Variants in CADPS2 observed in about 807,000 individuals in gnomAD.
The protein encoded by CADPS2 is calcium-dependent secretion activator 2.
CADPS2 carries 93 observed loss-of-function variants against 172.5 expected under a neutral mutation model. That is an observed-to-expected ratio of 0.54 (90% CI 0.46 to 0.64). The LOEUF (loss-of-function observed/expected upper bound fraction) is 0.64. Among genes scored for constraint, CADPS2 ranks in the 30% least tolerant of loss-of-function variants. The pLI is 0.00. For missense variants in CADPS2, 1,420 were observed against 1,565.9 expected (o/e 0.91, Z 1.57); for synonymous variants, 546 against 555.2 (o/e 0.98, Z 0.23).
At chr7:122,552,103 C>T (rs1328269102) in intron 8 of CADPS2, among the ~76,000 whole-genome samples, 1 of 152,088 alleles carries the variant, frequency 6.6e-6, no homozygotes, top group Non-Finnish European at 1.5e-5. Context: ...TGTCCCTGTC[C>T]ATAGGGAGCA....
intron 3 of CADPS2, among the ~76,000 whole-genome samples, chr7:122,640,204 G>A (rs886082767): frequency 6.6e-6 from 1 of 152,068 alleles, no homozygotes; most frequent in Non-Finnish European, 1.5e-5. Context: ...GCGAAACCTA[G>A]AACCACATAG....
intron 1 of CADPS2, among the ~76,000 whole-genome samples, chr7:122,816,461 A>G (rs969073644): frequency 2.0e-5 from 3 of 152,172 alleles, no homozygotes; most frequent in East Asian, 3.8e-4. Flanking sequence ...CGTTGATTCC[A>G]TATCTTGGCT....
chr7:122,791,462 G>A (rs1795275767), intron 1 of CADPS2, among the ~76,000 whole-genome samples: 1 of 151,796 alleles, frequency 6.6e-6, no homozygotes, highest in Non-Finnish European at 1.5e-5. Context: ...ACTCAGCAAA[G>A]GATAAGAAAG....
chr7:122,454,653 AACCTT>A (rs2053542952), intron 14 of CADPS2, among the ~76,000 whole-genome samples: 1 of 152,192 alleles, frequency 6.6e-6, no homozygotes, highest in Non-Finnish European at 1.5e-5. Context: ...GGAAGTCCTA[AACCTT>A]GCTCTTTCAT....
intron 2 of CADPS2, among the ~76,000 whole-genome samples, chr7:122,683,597 T>G (rs2083302127): frequency 6.6e-6 from 1 of 152,216 alleles, no homozygotes; most frequent in Non-Finnish European, 1.5e-5. Context: ...TTTTTAATAC[T>G]ACATGACATA....
chr7:122,613,678 T>G (rs1017021872), intron 6 of CADPS2, among the ~76,000 whole-genome samples: 29 of 150,236 alleles, frequency 1.9e-4, no homozygotes, highest in Non-Finnish European at 3.0e-5. Flanking sequence ...AGGGTACAGT[T>G]TTTTTTTTTT....
At chr7:122,619,315 A>AT (rs933707795) in intron 5 of CADPS2, among the ~76,000 whole-genome samples, 9 of 152,084 alleles carry the variant, frequency 5.9e-5, no homozygotes, top group Non-Finnish European at 1.0e-4. Context: ...TCTACAAATT[A>AT]TTTTTTTCAT....
chr7:122,673,944 C>T (rs2082135080), intron 2 of CADPS2, among the ~76,000 whole-genome samples: 1 of 151,806 alleles, frequency 6.6e-6, no homozygotes, highest in African/African-American at 2.4e-5. Context: ...GGAGCTAGGG[C>T]ATGGCGGGCT....
At chr7:122,857,919 G>A (rs1294168345) in intron 1 of CADPS2, among the ~76,000 whole-genome samples, 1 of 152,148 alleles carries the variant, frequency 6.6e-6, no homozygotes, top group Non-Finnish European at 1.5e-5. Flanking sequence ...CAAGAATGAA[G>A]CCAACGACCT....
intron 2 of CADPS2, chr7:122,702,873 C>T (rs2086394104): frequency 4.3e-6 from 3 of 690,246 alleles, no homozygotes; most frequent in African/African-American, 3.6e-5. Flanking sequence ...AAAGGTCTCC[C>T]TGGATCAAAG....
chr7:122,665,921 C>T (rs1285199427), intron 2 of CADPS2, among the ~76,000 whole-genome samples: 1 of 152,112 alleles, frequency 6.6e-6, no homozygotes, highest in East Asian at 1.9e-4. Context: ...ATGCATAGTG[C>T]TTTAAATATT....
chr7:122,484,226 A>G (rs1199137696), intron 11 of CADPS2, among the ~76,000 whole-genome samples: 1 of 152,194 alleles, frequency 6.6e-6, no homozygotes, highest in Non-Finnish European at 1.5e-5. Flanking sequence ...CTTTTGAATA[A>G]GAGAAATCAA....
At chr7:122,377,024 C>G (rs1238585688) in intron 25 of CADPS2, among the ~76,000 whole-genome samples, 1 of 152,054 alleles carries the variant, frequency 6.6e-6, no homozygotes, top group African/African-American at 2.4e-5. Context: ...TTATTTTATA[C>G]TTTTCAACCA....
chr7:122,698,175 T>G (rs781559003), intron 2 of CADPS2: 1 of 1,614,008 alleles, frequency 6.2e-7, no homozygotes. Flanking sequence ...TTGGATTTAT[T>G]TCTTCATCCC....
intron 20 of CADPS2, among the ~76,000 whole-genome samples, chr7:122,398,392 T>C (rs11970828): frequency 0.38 from 58,084 of 152,034 alleles, 11,757 homozygotes; most frequent in African/African-American, 0.53. Flanking sequence ...TCCAATTAGC[T>C]AGCTTTAGTG....
At chr7:122,541,362 ATT>A (rs34290734) in intron 8 of CADPS2, among the ~76,000 whole-genome samples, 1 of 132,642 alleles carries the variant, frequency 7.5e-6, no homozygotes, top group Non-Finnish European at 1.6e-5. Flanking sequence ...ACACCCAGCT[ATT>A]TTTTTTTTTT....
intron 1 of CADPS2, among the ~76,000 whole-genome samples, chr7:122,801,778 A>C (rs1040077663): frequency 1.3e-5 from 2 of 149,928 alleles, no homozygotes; most frequent in Non-Finnish European, 3.0e-5. Flanking sequence ...ATTTTTATTT[A>C]TTTTTTTTTT....
chr7:122,779,636 T>C (rs1209610908), intron 1 of CADPS2, among the ~76,000 whole-genome samples: 1 of 152,212 alleles, frequency 6.6e-6, no homozygotes, highest in Non-Finnish European at 1.5e-5. Context: ...ATAGACTTCT[T>C]GGTTCACAAA....
rs71159788 is a variant in CADPS2 at position 122,323,873 on chromosome 7, TTATA to T, written c.3717+1600_3717+1603del. Among the ~76,000 whole-genome samples, 557 of 112,020 alleles carry T rather than the reference TTATA, an allele frequency of 5.0e-3. 8 individuals are homozygous for T. The highest frequency in any genetic ancestry group is 0.018 in the African/African-American group (438 of 24,532). The allele number at this position is 112,020 out of a possible 152,430, so 73.5% of individuals were successfully genotyped here. On this transcript the variant is annotated intron_variant, in intron 29 of 29. Coordinates refer to ENST00000449022, the MANE Select transcript of CADPS2 (RefSeq NM_017954.11). ...TGCATATTATATACATATGTATATTTTATATATATATATATATATATATATATAT... is the reference window on the plus strand; with the variant it reads ...TGCATATTATATACATATGTATATTTTATATATATATATATATATATATAT...
Sources: gnomAD v4.1 joint callset for allele counts (sites outside exome capture counted in the v4.1 genomes callset) on GRCh38, gnomAD v4.1.1 for gene constraint, MANE v1.5 for transcripts, NCBI Gene and HGNC (gene_info 2026-07-23, HGNC 2026-07-21) for gene names.